Variants in LRP1B observed in about 807,000 individuals in gnomAD.
The protein encoded by LRP1B is low-density lipoprotein receptor-related protein 1B.
A neutral mutation model predicts 556.6 loss-of-function variants in LRP1B; 217 were observed. The ratio of observed to expected loss-of-function variants is 0.39; its 90% CI spans 0.35 to 0.44. LRP1B has a LOEUF of 0.44. Ranked by LOEUF, LRP1B falls within the 20% of genes least tolerant of loss-of-function variation. The pLI, the probability that LRP1B is intolerant of heterozygous loss-of-function variation, is 1.00. For missense variants in LRP1B, 5,053 were observed against 5,620.8 expected (o/e 0.90, Z 3.23); for synonymous variants, 2,047 against 1,865.8 (o/e 1.10, Z -2.50).
At chr2:140,849,687 G>A (rs1376420854) in intron 29 of LRP1B, among the ~76,000 whole-genome samples, 2 of 151,938 alleles carry the variant, frequency 1.3e-5, no homozygotes, top group Non-Finnish European at 2.9e-5. Flanking sequence ...TTACATGTGT[G>A]CACCACCACA....
intron 35 of LRP1B, among the ~76,000 whole-genome samples, chr2:140,756,681 C>T (rs952599324): frequency 6.6e-6 from 1 of 151,964 alleles, no homozygotes; most frequent in East Asian, 1.9e-4. Flanking sequence ...AAAAGTGGAT[C>T]ATAAATCTAA....
chr2:141,778,402 T>C (rs1695143239), intron 2 of LRP1B, among the ~76,000 whole-genome samples: 2 of 152,212 alleles, frequency 1.3e-5, no homozygotes, highest in African/African-American at 2.4e-5. Context: ...GCACTCAAAA[T>C]AGTCCTATTT....
intron 2 of LRP1B, among the ~76,000 whole-genome samples, chr2:141,566,823 C>A (rs1686348858): frequency 6.6e-6 from 1 of 152,080 alleles, no homozygotes; most frequent in African/African-American, 2.4e-5. Context: ...CATGCCACTG[C>A]ACTCCAGCTT....
chr2:141,179,871 A>G (rs1050022646), intron 7 of LRP1B, among the ~76,000 whole-genome samples: 8 of 149,710 alleles, frequency 5.3e-5, no homozygotes, highest in African/African-American at 2.0e-4. Context: ...TAACAACACA[A>G]AAGCTGAATG....
Position 141,013,745 on chromosome 2 carries a change from T to A in LRP1B, c.2191A>T (p.Ile731Phe), listed in dbSNP as rs2105385987. 2 of 1,550,108 alleles carry A rather than the reference T, an allele frequency of 1.3e-6. No individual in the cohort carries two copies. The highest frequency in any genetic ancestry group is 1.2e-5 in the South Asian group (1 of 80,480). The part of the protein sequence containing the change: ...KVFLNGTHRK[I>F]VYSGRELNHP... ...TTCAACTCTCTCCCACTGTAAACAATCTGTAAAATATAAACACATTGTGAA... is the reference window on the plus strand; with the variant it reads ...TTCAACTCTCTCCCACTGTAAACAAACTGTAAAATATAAACACATTGTGAA... Residue 731 changes from isoleucine to phenylalanine, a missense_variant and splice_region_variant, in exon 14 of 91, where the codon ATT (isoleucine) becomes TTT (phenylalanine). By Grantham distance (21) the Ile-to-Phe change is conservative (BLOSUM62 0). Transcript: ENST00000389484.
rs1191636052 is a variant in LRP1B at position 141,387,106 on chromosome 2, C to T, written c.343+93290G>A. Among the ~76,000 whole-genome samples, 12 of 151,900 alleles carry T rather than the reference C, an allele frequency of 7.9e-5. No homozygotes were observed. In the South Asian group the frequency reaches 2.5e-3, roughly 31 times the overall value. ...AAAAAGACTTTAACAACCAATGAGT[C>T]AATGAAGAAATCACAAGGGAAATTA... is the stretch of plus-strand genomic sequence containing the variant. On this transcript the variant is annotated intron_variant, in intron 3 of 90. Coordinates refer to ENST00000389484, the MANE Select transcript of LRP1B (RefSeq NM_018557.3).
chr2:141,873,639 C>T (rs1698662707), intron 1 of LRP1B, among the ~76,000 whole-genome samples: 1 of 151,944 alleles, frequency 6.6e-6, no homozygotes, highest in African/African-American at 2.4e-5. Flanking sequence ...GCAAGAAGCA[C>T]ACTTAGTGCC....
At chr2:141,439,567 C>T (rs961910638) in intron 3 of LRP1B, among the ~76,000 whole-genome samples, 4 of 152,112 alleles carry the variant, frequency 2.6e-5, no homozygotes, top group African/African-American at 7.2e-5. Context: ...CAGCTAGCTA[C>T]ATGGCTCAGT....
chr2:141,115,691 C>T (rs1700879798), intron 7 of LRP1B, among the ~76,000 whole-genome samples: 1 of 150,842 alleles, frequency 6.6e-6, no homozygotes, highest in Non-Finnish European at 1.5e-5. Context: ...GCCGTGTTAG[C>T]CAGGACGGTC....
intron 41 of LRP1B, among the ~76,000 whole-genome samples, chr2:140,661,504 T>TAAA (rs71408466): frequency 1.1e-4 from 14 of 122,604 alleles, no homozygotes; most frequent in Admixed American, 1.6e-4. Flanking sequence ...TACAAATAAT[T>TAAA]AAAAAAAAAA....
chr2:140,253,355 C>T (rs879693498), intron 86 of LRP1B, among the ~76,000 whole-genome samples: 41 of 151,436 alleles, frequency 2.7e-4, no homozygotes, highest in Admixed American at 8.6e-4. Context: ...ATTTAGGAAA[C>T]GGTAAAAATT....
chr2:140,748,239 A>G (rs1329054556), intron 35 of LRP1B, among the ~76,000 whole-genome samples: 1 of 135,694 alleles, frequency 7.4e-6, no homozygotes, highest in Admixed American at 8.0e-5. Context: ...ATATCCATAA[A>G]TATATATTCA....
chr2:140,556,735 T>TA (rs58738052), intron 43 of LRP1B, among the ~76,000 whole-genome samples: 72,350 of 149,500 alleles, frequency 0.48, 17,705 homozygotes, highest in South Asian at 0.59. Flanking sequence ...CAAACAAATT[T>TA]AAAAAAAAAA....
intron 1 of LRP1B, among the ~76,000 whole-genome samples, chr2:141,980,107 C>G (rs992943213): frequency 6.6e-6 from 1 of 152,036 alleles, no homozygotes; most frequent in African/African-American, 2.4e-5. Flanking sequence ...AAGAGCATCA[C>G]CAATTATAAA....
intron 20 of LRP1B, among the ~76,000 whole-genome samples, chr2:140,930,750 T>C (rs1695023654): frequency 6.6e-6 from 1 of 152,132 alleles, no homozygotes; most frequent in African/African-American, 2.4e-5. Context: ...TGCACAGAGC[T>C]CCCCATTATA....
At chr2:140,344,826 G>C (rs1336612402) in intron 77 of LRP1B, among the ~76,000 whole-genome samples, 2 of 151,670 alleles carry the variant, frequency 1.3e-5, no homozygotes, top group Non-Finnish European at 2.9e-5. Flanking sequence ...AGAGGACTAA[G>C]GGCTGAGCCT....
intron 6 of LRP1B, among the ~76,000 whole-genome samples, chr2:141,212,612 A>G (rs1304157774): frequency 6.6e-6 from 1 of 152,096 alleles, no homozygotes; most frequent in East Asian, 1.9e-4. Flanking sequence ...TAGCAAAAAA[A>G]CAAAACAAAA....
At chr2:140,321,823 T>C in intron 82 of LRP1B, 140 bp downstream of exon 82, 1 of 766,152 alleles carries the variant, frequency 1.3e-6, no homozygotes, top group Non-Finnish European at 2.1e-6. Flanking sequence ...AAAAGTACAG[T>C]TTACACAGGC....
chr2:140,925,031 T>TTG (rs1694846608), intron 20 of LRP1B, among the ~76,000 whole-genome samples: 2 of 152,086 alleles, frequency 1.3e-5, no homozygotes, highest in Non-Finnish European at 2.9e-5. Flanking sequence ...GTCAACAATA[T>TTG]AGTATAACTA....
Sources: allele counts gnomAD v4.1 joint callset (sites outside exome capture counted in the v4.1 genomes callset), GRCh38; gene constraint gnomAD v4.1.1; transcripts MANE v1.5; gene names NCBI Gene and HGNC (gene_info 2026-07-23, HGNC 2026-07-21).